The following CHCHD6 variants were observed in gnomAD, a reference collection of about 807,000 sequenced individuals.
CHCHD6 encodes the protein MICOS complex subunit MIC25.
A neutral mutation model predicts 32.3 loss-of-function variants in CHCHD6; 28 were observed. The observed-to-expected ratio is 0.87, with a 90% CI of 0.64 to 1.19. The LOEUF is 1.19. CHCHD6 is among the 50% of genes most tolerant of loss of function. CHCHD6 has a pLI of 0.00. For missense variants in CHCHD6, 333 were observed against 307.0 expected, an observed-to-expected ratio of 1.08 and a Z score of -0.63; for synonymous variants, 122 against 117.5, an observed-to-expected ratio of 1.04 and a Z score of -0.25.
chr3:126,826,673 G>T (rs1004498867), intron 4 of CHCHD6, among the ~76,000 whole-genome samples: 2 of 152,044 alleles, frequency 1.3e-5, no homozygotes, highest in Non-Finnish European at 2.9e-5. Flanking sequence ...ACTTATGTAG[G>T]ATCTTATATA....
chr3:126,713,305 G>T (rs1379763655), intron 1 of CHCHD6, among the ~76,000 whole-genome samples: 1 of 152,180 alleles, frequency 6.6e-6, no homozygotes, highest in African/African-American at 2.4e-5. Flanking sequence ...CCCAGAGGCA[G>T]CCCGTGACCA....
intron 5 of CHCHD6, among the ~76,000 whole-genome samples, chr3:126,882,508 A>G (rs1249816333): frequency 6.6e-6 from 1 of 152,222 alleles, no homozygotes; most frequent in African/African-American, 2.4e-5. Context: ...TCAGATATTT[A>G]TGAATTAATT....
At position 126,872,729 on chromosome 3, in the gene CHCHD6, G is replaced by T. The variant is rs1255338746; in HGVS notation, c.495+19999G>T. Among the ~76,000 whole-genome samples the T allele has an allele frequency of 7.9e-5, 12 of 152,132 alleles. No individual in the cohort carries two copies. In the South Asian group the frequency reaches 2.5e-3, roughly 32 times the overall value. On this transcript the variant is annotated intron_variant, in intron 5 of 7. Coordinates refer to ENST00000290913, the MANE Select transcript of CHCHD6 (RefSeq NM_032343.3). ...TCAGCTCCTGCACCTTGCTTCCCTG[G>T]AGAGCCCTGGTTTTCATCCCTATCT...
At chr3:126,866,798 G>A (rs1942302935) in intron 5 of CHCHD6, among the ~76,000 whole-genome samples, 1 of 152,264 alleles carries the variant, frequency 6.6e-6, no homozygotes, top group East Asian at 1.9e-4. Flanking sequence ...GCAAACCCCA[G>A]TGACCATGAA....
chr3:126,709,361 G>C (rs1488053595), intron 1 of CHCHD6, among the ~76,000 whole-genome samples: 1 of 152,094 alleles, frequency 6.6e-6, no homozygotes, highest in East Asian at 1.9e-4. Flanking sequence ...TACTGCATTT[G>C]GCTTATTCAG....
At chr3:126,804,539 A>G (rs537555009) in intron 4 of CHCHD6, among the ~76,000 whole-genome samples, 25 of 152,366 alleles carry the variant, frequency 1.6e-4, no homozygotes, top group Admixed American at 8.5e-4. Flanking sequence ...TGAATAGACC[A>G]ATAACAGGAT....
In CHCHD6 at chr3:126,934,477, G is replaced by T. The variant is rs149766839; in HGVS notation, c.566+19727G>T. ...CTGTGTCACTGTCATGAAGCATGTTGTCAGGCTCCACGGGACGTCAGGGCT... is the reference window on the plus strand; with the variant it reads ...CTGTGTCACTGTCATGAAGCATGTTTTCAGGCTCCACGGGACGTCAGGGCT... On this transcript the variant is annotated intron_variant, in intron 6 of 7. Transcript: ENST00000290913. Among the ~76,000 whole-genome samples the T allele has an allele frequency of 8.7e-4, 126 of 144,882 alleles. 1 individual carries two copies. The highest frequency in any genetic ancestry group is 3.0e-3 in the African/African-American group (118 of 39,142).
chr3:126,814,696 C>G (rs969394359), intron 4 of CHCHD6, among the ~76,000 whole-genome samples: 1 of 152,250 alleles, frequency 6.6e-6, no homozygotes, highest in Admixed American at 6.5e-5. Flanking sequence ...TTGCCCTGTG[C>G]TTTTTTTCAT....
intron 6 of CHCHD6, among the ~76,000 whole-genome samples, chr3:126,954,897 C>G (rs1472878530): frequency 6.6e-6 from 1 of 152,228 alleles, no homozygotes; most frequent in East Asian, 1.9e-4. Flanking sequence ...GCACCCACTG[C>G]CCTGCAGATT....
intron 4 of CHCHD6, among the ~76,000 whole-genome samples, chr3:126,817,684 G>A (rs1419763625): frequency 7.9e-5 from 12 of 152,192 alleles, no homozygotes; most frequent in East Asian, 5.8e-4. Context: ...TACTAGCTCC[G>A]TAGGTAGCAC....
chr3:126,824,319 T>A (rs1272412474), intron 4 of CHCHD6, among the ~76,000 whole-genome samples: 5 of 151,754 alleles, frequency 3.3e-5, no homozygotes, highest in Non-Finnish European at 7.4e-5. Context: ...CCCAGTACTT[T>A]GGGAGGCTGA....
chr3:126,897,448 T>C (rs114149911), intron 5 of CHCHD6, among the ~76,000 whole-genome samples: 3,132 of 152,322 alleles, frequency 0.021, 119 homozygotes, highest in African/African-American at 0.071. Flanking sequence ...AAACCTACTT[T>C]TTCATCTGAT....
chr3:126,734,162 G>T (rs1935938826), intron 4 of CHCHD6, among the ~76,000 whole-genome samples: 1 of 152,206 alleles, frequency 6.6e-6, no homozygotes, highest in Non-Finnish European at 1.5e-5. Context: ...GGTGCCCATG[G>T]CTAAGCCAGT....
intron 4 of CHCHD6, among the ~76,000 whole-genome samples, chr3:126,842,416 T>G (rs1941130048): frequency 6.6e-6 from 1 of 152,152 alleles, no homozygotes; most frequent in Non-Finnish European, 1.5e-5. Flanking sequence ...GTTCTTAGAT[T>G]AGTTCAGTTT....
rs566185298 is a variant in CHCHD6, at chr3:126,825,695, G to A, written c.412-26952G>A. 2.0e-5 allele frequency among the ~76,000 whole-genome samples: 3 copies of A among 151,982 alleles called. No individual in the cohort carries two copies. In the South Asian group the frequency reaches 6.2e-4, roughly 32 times the overall value. The stretch of plus-strand genomic sequence containing the variant: ...TTCTTCCCTTAAAGTCTACTTTAAT[G>A]TTAACTTTACTACTTTAACTTTCTT... On this transcript the variant is annotated intron_variant, in intron 4 of 7. Coordinates refer to ENST00000290913, the MANE Select transcript of CHCHD6 (RefSeq NM_032343.3).
intron 5 of CHCHD6, among the ~76,000 whole-genome samples, chr3:126,863,722 A>ACCT (rs1559889157): frequency 1.1e-5 from 1 of 94,936 alleles, no homozygotes; most frequent in Non-Finnish European, 2.2e-5. Context: ...TACCATCACC[A>ACCT]CGTCCTCCTC....
intron 4 of CHCHD6, among the ~76,000 whole-genome samples, chr3:126,734,623 G>A (rs1477383733): frequency 6.6e-6 from 1 of 152,216 alleles, no homozygotes; most frequent in Non-Finnish European, 1.5e-5. Flanking sequence ...CTGTGGAGAA[G>A]ACAAACTAAG....
intron 6 of CHCHD6, among the ~76,000 whole-genome samples, chr3:126,954,684 C>T (rs748319302): frequency 4.6e-5 from 7 of 152,196 alleles, no homozygotes; most frequent in African/African-American, 1.2e-4. Context: ...GAACCAGGCT[C>T]ACCAGGGCCC....
chr3:126,757,350 G>A (rs1936991474), intron 4 of CHCHD6, among the ~76,000 whole-genome samples: 1 of 152,186 alleles, frequency 6.6e-6, no homozygotes, highest in Non-Finnish European at 1.5e-5. Context: ...CACCCTATCT[G>A]GAAGAAGTCT....
Sources: allele counts gnomAD v4.1 joint callset (sites outside exome capture counted in the v4.1 genomes callset), GRCh38; gene constraint gnomAD v4.1.1; transcripts MANE v1.5; gene names NCBI Gene and HGNC (gene_info 2026-07-23, HGNC 2026-07-21).